Variants in ARVCF observed in about 807,000 individuals in gnomAD.
ARVCF encodes the protein ARVCF delta catenin family member.
A neutral mutation model predicts 90.9 loss-of-function variants in ARVCF; 66 were observed. The observed-to-expected ratio is 0.73, with a 90% CI of 0.60 to 0.89. The LOEUF (loss-of-function observed/expected upper bound fraction) is 0.89, where lower values mean the gene tolerates loss of function less well. Ranked by LOEUF, ARVCF falls within the 40% of genes least tolerant of loss-of-function variation. ARVCF has a pLI of 0.00. For missense variants in ARVCF, 1,469 were observed against 1,382.3 expected, an observed-to-expected ratio of 1.06 and a Z score of -1.00; for synonymous variants, 653 against 603.4, an observed-to-expected ratio of 1.08 and a Z score of -1.21.
At position 19,971,265 on chromosome 22, in the gene ARVCF, C is replaced by T. The variant is rs1291622922; in HGVS notation, c.2852G>A (p.Gly951Glu). ...RPAVRLVDAVGDAKPQPVDSW... is the reference protein window; with the variant it reads ...RPAVRLVDAVEDAKPQPVDSW... ...ATCAACGGGCTGAGGCTTAGCGTCC[C>T]CTACGGCGTCCACCAGCCTGACCGC... Residue 951 changes from glycine (G) to glutamate (E), a missense_variant, in exon 19 of 20, where the codon GGG (glycine) becomes GAG (glutamate). By Grantham distance (98) the Gly-to-Glu change is moderately conservative. Coordinates refer to ENST00000263207, the MANE Select transcript of ARVCF (RefSeq NM_001670.3). 5 of 1,556,206 alleles carry T rather than the reference C, an allele frequency of 3.2e-6. No individual in the cohort carries two copies. In the East Asian group the frequency reaches 9.6e-5, roughly 30 times the overall value.
chr22:19,996,637 TCCAGAGCC>T (rs1315707212), intron 2 of ARVCF, among the ~76,000 whole-genome samples: 1 of 152,154 alleles, frequency 6.6e-6, no homozygotes, highest in Admixed American at 6.5e-5. Flanking sequence ...CATAGGCTGC[TCCAGAGCC>T]CCACAGTCCT....
downstream of ARVCF, among the ~76,000 whole-genome samples, chr22:19,967,919 G>A (rs1332619835): frequency 2.0e-5 from 3 of 152,246 alleles, no homozygotes; most frequent in African/African-American, 7.2e-5. Flanking sequence ...CTATGGCTGC[G>A]TGTCCAGTAA....
chr22:19,977,193 G>A (rs1894352484), intron 9 of ARVCF, among the ~76,000 whole-genome samples: 1 of 152,174 alleles, frequency 6.6e-6, no homozygotes, highest in Admixed American at 6.5e-5. Context: ...TGTACTCCCT[G>A]GGGGTCCCAC....
At chr22:20,009,681 C>T (rs573638784) in intron 2 of ARVCF, among the ~76,000 whole-genome samples, 4 of 152,368 alleles carry the variant, frequency 2.6e-5, no homozygotes, top group African/African-American at 9.6e-5. Context: ...GCAGGGTATG[C>T]CTTACCATCC....
intron 2 of ARVCF, among the ~76,000 whole-genome samples, chr22:20,005,191 A>G (rs1268678713): frequency 6.6e-6 from 1 of 152,216 alleles, no homozygotes; most frequent in East Asian, 1.9e-4. Flanking sequence ...ACTTAACAAC[A>G]GCAAAAAAAC....
intron 3 of ARVCF, among the ~76,000 whole-genome samples, chr22:19,983,336 C>G (rs1219723885): frequency 6.6e-6 from 1 of 152,228 alleles, no homozygotes; most frequent in Non-Finnish European, 1.5e-5. Context: ...TGCCAGGCTC[C>G]AGAGGCAGAC....
Position 19,971,865 on chromosome 22 carries a change from C to T in ARVCF, c.2781+21G>A, listed in dbSNP as rs138284380. The T allele has an allele frequency of 6.2e-6, 10 of 1,612,986 alleles. No homozygotes were observed. In the East Asian group the frequency reaches 1.8e-4, roughly 29 times the overall value. ...CACGGGGCCTCACCGGGGACCTGCC[C>T]ACAGCCACATGACCACTTACTTTCA... On this transcript the variant is annotated intron_variant, in intron 18 of 19. Coordinates refer to ENST00000263207, the MANE Select transcript of ARVCF (RefSeq NM_001670.3).
rs1033393731 is a variant in ARVCF, at chr22:20,012,079, T to C, written c.-72-1571A>G. ...CTTCCTGCCTCCAGGCCTCCCAAAG[T>C]CCCCCCCCCCCACCCAGTTGGGGAA... is the stretch of plus-strand genomic sequence containing the variant. On this transcript the variant is annotated intron_variant, in intron 1 of 19. Transcript: ENST00000263207. 5.0e-3 allele frequency among the ~76,000 whole-genome samples: 590 copies of C among 116,964 alleles called. 1 individual carries two copies. The highest frequency in any genetic ancestry group is 8.0e-3 in the Admixed American group (90 of 11,192). 76.7% of individuals were successfully genotyped at this position (116,964 alleles called of 152,430 possible).
Position 19,977,532 on chromosome 22 carries a change from C to G in ARVCF, c.1753G>C (p.Glu585Gln). 6.3e-7 allele frequency: 1 copy of G among 1,596,576 alleles called. No homozygotes were observed. The highest frequency in any genetic ancestry group is 8.5e-7 in the Non-Finnish European group (1 of 1,170,478). Residue 585 changes from glutamate (E) to glutamine (Q), a missense_variant, in exon 9 of 20, where the codon GAG becomes CAG. Coordinates refer to ENST00000263207, the MANE Select transcript of ARVCF (RefSeq NM_001670.3). ...TGGTACCTGTCGGCCCCGGGCACCT[C>G]CTTGTGCACGTGGTAGGACAGGTTC... ...MRNLSYHVHK[E>Q]VPGADRYQEA...
rs140904483 is a variant in ARVCF at position 19,973,258 on chromosome 22, G to A, written c.2299C>T (p.Pro767Ser). 2.2e-5 allele frequency: 35 copies of A among 1,609,318 alleles called. No homozygotes were observed. Among genetic ancestry groups the A allele is most frequent in the Admixed American group, 3.3e-5 (2 of 59,760 alleles). Reference protein sequence around the residue: ...NVRNAQAPPRPGACLEEDTVV... With the variant: ...NVRNAQAPPRSGACLEEDTVV... ...GTGTCTTCCTCCAGGCAGGCCCCCG[G>A]TCGCGGCGGAGCCTGTGCATTGCGC... Residue 767 changes from proline to serine, a missense_variant, in exon 14 of 20, where the codon CCG becomes TCG. Physicochemically the swap from Pro to Ser is moderately conservative, Grantham distance 74. Transcript: ENST00000263207.
intron 1 of ARVCF, among the ~76,000 whole-genome samples, chr22:20,012,891 T>C (rs1323777869): frequency 2.0e-5 from 3 of 152,198 alleles, no homozygotes. Context: ...GCAGCTCCCA[T>C]GGGTACACAC....
chr22:19,986,062 C>G (rs897215747), intron 3 of ARVCF, among the ~76,000 whole-genome samples: 1 of 152,254 alleles, frequency 6.6e-6, no homozygotes, highest in African/African-American at 2.4e-5. Flanking sequence ...CACAGCAGTG[C>G]ACCTGCCAGG....
At position 19,972,793 on chromosome 22, in the gene ARVCF, G is replaced by A. The variant is rs1272002252; in HGVS notation, c.2585C>T (p.Ala862Val). The change falls in exon 16 of 20, where the codon GCA becomes GTA. Residue 862 changes from alanine to valine, a missense_variant. By Grantham distance (64) the Ala-to-Val change is moderately conservative. Transcript: ENST00000263207. ...AAATAKGPKG[A>V]LSPGGFDDST... ...GTCATCGAAGCCCCCAGGACTCAGT[G>A]CTCCCTTAGGCCCCTTGGCAGTAGC... 6.2e-7 allele frequency: 1 copy of A among 1,613,470 alleles called. No homozygotes were observed. The highest frequency in any genetic ancestry group is 1.3e-5 in the African/African-American group (1 of 74,912).
intron 12 of ARVCF, 118 bp downstream of exon 12, chr22:19,973,994 C>A: frequency 6.6e-7 from 1 of 1,511,094 alleles, no homozygotes; most frequent in Admixed American, 1.9e-5. Context: ...CCTCTTGGAT[C>A]CTGGGGTGGT....
At chr22:20,016,145 G>A (rs1353737048) in intron 1 of ARVCF, among the ~76,000 whole-genome samples, 2 of 152,170 alleles carry the variant, frequency 1.3e-5, no homozygotes, top group Non-Finnish European at 1.5e-5. Flanking sequence ...TGAGCTTCCC[G>A]GCGGCGCGCT....
downstream of ARVCF, chr22:19,969,774 G>T (rs186490911): frequency 3.0e-4 from 283 of 934,790 alleles, no homozygotes; most frequent in African/African-American, 4.8e-3. Context: ...AGCCTCTGCA[G>T]GACACAGCAG....
At position 20,009,637 on chromosome 22, in the gene ARVCF, C is replaced by T. The variant is rs189755214; in HGVS notation, c.-19+818G>A. ...CATCACCCACTCTGCTGAACAGCAC[C>T]CATCGTGGCAAAACTCTGGCAGCGT... On this transcript the variant is annotated intron_variant, in intron 2 of 19. Coordinates refer to ENST00000263207, the MANE Select transcript of ARVCF (RefSeq NM_001670.3). 6.9e-3 allele frequency among the ~76,000 whole-genome samples: 1,050 copies of T among 152,342 alleles called. 5 individuals carry two copies. The highest frequency in any genetic ancestry group is 0.011 in the Non-Finnish European group (743 of 68,028).
intron 1 of ARVCF, among the ~76,000 whole-genome samples, chr22:20,015,527 ACCAGACCTCTAAACACCGC>A (rs1381606638): frequency 2.6e-5 from 4 of 152,144 alleles, no homozygotes; most frequent in Non-Finnish European, 5.9e-5. Flanking sequence ...CCTTGTTTGG[ACCAGACCTCTAAACACCGC>A]CCAGATCCCA....
At chr22:19,973,521 GCCCAAGCGAGAGGGCCGGGGCCTGGACT>G in intron 13 of ARVCF, 94 bp downstream of exon 13, 1 of 1,467,740 alleles carries the variant, frequency 6.8e-7, no homozygotes, top group Non-Finnish European at 9.1e-7. Flanking sequence ...TTGGGACAGC[GCCCAAGCGAGAGGGCCGGGGCCTGGACT>G]CCCAAACCAC....
Sources: allele counts gnomAD v4.1 joint callset (sites outside exome capture counted in the v4.1 genomes callset), GRCh38; gene constraint gnomAD v4.1.1; transcripts MANE v1.5; gene names NCBI Gene and HGNC (gene_info 2026-07-23, HGNC 2026-07-21).